The following PRM2 variants were observed in gnomAD, a reference collection of about 807,000 sequenced individuals.
PRM2 encodes the protein protamine-2.
PRM2 carries 6 observed loss-of-function variants against 10.7 expected under a neutral mutation model. That is an observed-to-expected ratio of 0.56 (90% confidence interval 0.31 to 1.11). PRM2 has a LOEUF of 1.11. Ranked by LOEUF, PRM2 falls within the 50% of genes least tolerant of loss-of-function variation. The probability of loss-of-function intolerance (pLI) is 0.06; values close to 1 mark genes in which losing one functional copy is unlikely to be tolerated. For missense variants in PRM2, 194 were observed against 147.7 expected (o/e 1.31, Z -1.62); for synonymous variants, 64 against 54.8 (o/e 1.17, Z -0.74).
At chr16:11,275,967 G>A (rs1470934868) in intron 1 of PRM2, 30 bp from the exon 2 acceptor site, 1 of 1,613,976 alleles carries the variant, frequency 6.2e-7, no homozygotes, top group South Asian at 1.1e-5. Flanking sequence ...TGGTTGAGGG[G>A]GTCACCTAGG....
In PRM2 at chr16:11,276,462, G is replaced by A. The variant is rs2069880888; in HGVS notation, c.-92C>T. 6.4e-7 allele frequency: 1 copy of A among 1,550,784 alleles called. No individual in the cohort carries two copies. The highest frequency in any genetic ancestry group is 1.4e-5 in the African/African-American group (1 of 73,518). On this transcript the variant is annotated 5_prime_UTR_variant, in exon 1 of 2. Transcript: ENST00000241808. The stretch of plus-strand genomic sequence containing the variant: ...GGAGGCCTGCCCACCTGCCCTTGGT[G>A]TTACTGTTGGTCTGGTCTGCAAGGC...
Position 11,276,346 on chromosome 16 carries a change from G to C in PRM2, c.25C>G (p.Leu9Val). MVRYRVRS[L>V]SERSHEVYRQ... ...TACACCTCGTGCGAGCGTTCGCTCA[G>C]GCTCCTCACGCGGTATCGGACCATG... The change falls in exon 1 of 2, where the codon CTG (leucine) becomes GTG (valine). Residue 9 changes from leucine (L) to valine (V), a missense_variant. Transcript: ENST00000241808. 1 of 1,614,244 alleles carries C rather than the reference G, an allele frequency of 6.2e-7. No homozygotes were observed. Among genetic ancestry groups the C allele is most frequent in the South Asian group, 1.1e-5 (1 of 91,092 alleles).
rs2069843929 is a variant in PRM2, at chr16:11,275,708, G to A, written c.*192C>T. Reference sequence around the variant, plus strand: ...CTCAGATCTTGTGGGCTTCTCGGCGGCAACTCAGGGCTTGAGCATTTGATG... The same window carrying A: ...CTCAGATCTTGTGGGCTTCTCGGCGACAACTCAGGGCTTGAGCATTTGATG... On this transcript the variant is annotated 3_prime_UTR_variant, in exon 2 of 2. Coordinates refer to ENST00000241808, the MANE Select transcript of PRM2 (RefSeq NM_002762.4). The A allele has an allele frequency of 1.5e-6, 2 of 1,378,346 alleles. No homozygotes were observed. Among genetic ancestry groups the A allele is most frequent in the Admixed American group, 4.3e-5 (2 of 46,278 alleles). 85.4% of individuals were successfully genotyped at this position (1,378,346 alleles called of 1,614,324 possible).
At position 11,275,693 on chromosome 16, in the gene PRM2, G is replaced by T. The variant is rs1279385395; in HGVS notation, c.*207C>A. The T allele has an allele frequency of 6.5e-6, 8 of 1,239,704 alleles. No individual in the cohort carries two copies. The highest frequency in any genetic ancestry group is 7.9e-6 in the Non-Finnish European group (7 of 883,438). The allele number at this position is 1,239,704 out of a possible 1,614,324, so 76.8% of individuals were successfully genotyped here. A position where few individuals can be genotyped will look rare whatever the true frequency, so the allele number is the denominator to read the frequency against. On this transcript the variant is annotated 3_prime_UTR_variant, in exon 2 of 2. Transcript: ENST00000241808. ...CTTTTGCTCGTTTCACTCAGATCTT[G>T]TGGGCTTCTCGGCGGCAACTCAGGG...
Position 11,276,474 on chromosome 16 carries a change from C to G in PRM2, c.-104G>C, listed in dbSNP as rs549835830. 14 of 1,521,428 alleles carry G rather than the reference C, an allele frequency of 9.2e-6. No homozygotes were observed. The highest frequency in any genetic ancestry group is 7.0e-5 in the South Asian group (6 of 86,004). 94.2% of individuals were successfully genotyped at this position (1,521,428 alleles called of 1,614,324 possible). On this transcript the variant is annotated 5_prime_UTR_variant, in exon 1 of 2. Transcript: ENST00000241808. Reference sequence around the variant, plus strand: ...ACCTGCCCTTGGTGTTACTGTTGGTCTGGTCTGCAAGGCTCCCCGGGAGCT... The same window carrying G: ...ACCTGCCCTTGGTGTTACTGTTGGTGTGGTCTGCAAGGCTCCCCGGGAGCT...
At chr16:11,276,070 A>C (rs377423504) in intron 1 of PRM2, 30 bp downstream of exon 1, 1 of 1,611,226 alleles carries the variant, frequency 6.2e-7, no homozygotes, top group East Asian at 2.2e-5. Flanking sequence ...GGTCAGGGAC[A>C]TGCAGGGCAA....
Position 11,275,750 on chromosome 16 carries a change from G to T in PRM2, c.*150C>A. ...CATTTGATGTAGGGGAGTTGCTATG[G>T]CCTCACTCGGTGTTTCTTGGGCAGG... On this transcript the variant is annotated 3_prime_UTR_variant, in exon 2 of 2. Transcript: ENST00000241808. 2.0e-6 allele frequency: 3 copies of T among 1,530,420 alleles called. No homozygotes were observed. Among genetic ancestry groups the T allele is most frequent in the Non-Finnish European group, 8.9e-7 (1 of 1,126,858 alleles). 94.8% of individuals were successfully genotyped at this position (1,530,420 alleles called of 1,614,324 possible). A position where few individuals can be genotyped will look rare whatever the true frequency, so the allele number is the denominator to read the frequency against.
chr16:11,275,968 G>A (rs202173084), intron 1 of PRM2, 31 bp from the exon 2 acceptor site: 2 of 1,613,524 alleles, frequency 1.2e-6, no homozygotes, highest in African/African-American at 2.7e-5. Flanking sequence ...GGTTGAGGGG[G>A]TCACCTAGGG....
Position 11,275,670 on chromosome 16 carries a change from T to G in PRM2, c.*230A>C. On this transcript the variant is annotated 3_prime_UTR_variant, in exon 2 of 2. Transcript: ENST00000241808. The stretch of plus-strand genomic sequence containing the variant: ...GTCAAGCTTTATTGGGCAGGTGACT[T>G]TTGCTCGTTTCACTCAGATCTTGTG... 9.8e-7 allele frequency: 1 copy of G among 1,022,708 alleles called. No individual in the cohort carries two copies. Among genetic ancestry groups the G allele is most frequent in the Non-Finnish European group, 1.4e-6 (1 of 703,452 alleles). The allele number at this position is 1,022,708 out of a possible 1,614,324, so 63.4% of individuals were successfully genotyped here. A position where few individuals can be genotyped will look rare whatever the true frequency, so the allele number is the denominator to read the frequency against.
In PRM2 at chr16:11,276,052, C is replaced by T. The variant is rs777300138; in HGVS notation, c.271+48G>A. On this transcript the variant is annotated intron_variant, in intron 1 of 1. Coordinates refer to ENST00000241808, the MANE Select transcript of PRM2 (RefSeq NM_002762.4). ...GGTGGGTCCCCGCCTCCCTCCTGTG[C>T]CTGGGGTGGTCAGGGACATGCAGGG... 9.3e-6 allele frequency: 15 copies of T among 1,610,704 alleles called. No homozygotes were observed. The South Asian group carries it at 1.6e-4, about 18-fold the overall frequency.
intron 1 of PRM2, 74 bp downstream of exon 1, chr16:11,276,026 G>A (rs1291363277): frequency 6.2e-7 from 1 of 1,609,964 alleles, no homozygotes; most frequent in Non-Finnish European, 8.5e-7. Flanking sequence ...TTGTCAGGTG[G>A]GGTGGGTCCC....
rs201933708 is a variant in PRM2 at position 11,276,083 on chromosome 16, C to G, written c.271+17G>C. The G allele has an allele frequency of 1.2e-3, 2,006 of 1,608,986 alleles. 25 individuals are homozygous for G. The African/African-American group carries it at 0.016, about 13-fold the overall frequency. On this transcript the variant is annotated intron_variant, in intron 1 of 1. Transcript: ENST00000241808. The stretch of plus-strand genomic sequence containing the variant: ...GTGGTCAGGGACATGCAGGGCAAGG[C>G]GGGGGCGCAGGCAGACCTCTGCGAT...
Position 11,275,779 on chromosome 16 carries a change from C to G in PRM2, c.*121G>C, listed in dbSNP as rs1341657821. On this transcript the variant is annotated 3_prime_UTR_variant, in exon 2 of 2. Coordinates refer to ENST00000241808, the MANE Select transcript of PRM2 (RefSeq NM_002762.4). ...CACTCGGTGTTTCTTGGGCAGGTGACTTTCTCTTAACTTCCAGCTGGGGGC... is the reference window on the plus strand; with the variant it reads ...CACTCGGTGTTTCTTGGGCAGGTGAGTTTCTCTTAACTTCCAGCTGGGGGC... 2.5e-6 allele frequency: 4 copies of G among 1,575,480 alleles called. No homozygotes were observed. In the African/African-American group the frequency reaches 5.4e-5, roughly 21 times the overall value.
Position 11,275,689 on chromosome 16 carries a change from T to A in PRM2, c.*211A>T. ...GTGACTTTTGCTCGTTTCACTCAGA[T>A]CTTGTGGGCTTCTCGGCGGCAACTC... is the stretch of plus-strand genomic sequence containing the variant. On this transcript the variant is annotated 3_prime_UTR_variant, in exon 2 of 2. Transcript: ENST00000241808. 8.2e-7 allele frequency: 1 copy of A among 1,213,404 alleles called. No homozygotes were observed. The highest frequency in any genetic ancestry group is 1.5e-5 in the African/African-American group (1 of 65,316). 75.2% of individuals were successfully genotyped at this position (1,213,404 alleles called of 1,614,324 possible). A position where few individuals can be genotyped will look rare whatever the true frequency, so the allele number is the denominator to read the frequency against.
chr16:11,276,175 T>G lies in PRM2; in HGVS notation c.196A>C (p.Ile66Leu). Residue 66 changes from isoleucine to leucine, a missense_variant, in exon 1 of 2, where the codon ATC becomes CTC. By Grantham distance (5) the Ile-to-Leu change is conservative (BLOSUM62 2). Transcript: ENST00000241808. ...RHCSRRRLHR[I>L]HRRQHRSCRR... ...CAGGAGCGATGCTGCCGCCTGTGGA[T>G]CCGGTGCAGCCTCCTTCGAGAGCAG... The G allele has an allele frequency of 6.2e-7, 1 of 1,614,068 alleles. No individual in the cohort carries two copies. The highest frequency in any genetic ancestry group is 8.5e-7 in the Non-Finnish European group (1 of 1,180,036).
Position 11,276,443 on chromosome 16 carries a change from CTGCCCACCTGCCCT to C in PRM2, c.-87_-74del. 6.3e-7 allele frequency: 1 copy of C among 1,584,360 alleles called. No individual in the cohort carries two copies. Among genetic ancestry groups the C allele is most frequent in the Non-Finnish European group, 8.6e-7 (1 of 1,162,350 alleles). On this transcript the variant is annotated 5_prime_UTR_variant, in exon 1 of 2. Coordinates refer to ENST00000241808, the MANE Select transcript of PRM2 (RefSeq NM_002762.4). The stretch of plus-strand genomic sequence containing the variant: ...TGGAGTAGGGGAGGAGGGCGGAGGC[CTGCCCACCTGCCCT>C]TGGTGTTACTGTTGGTCTGGTCTGC...
chr16:11,276,166 G>C lies in PRM2; in HGVS notation c.205C>G (p.Arg69Gly). ...CGCCTTCTGCAGGAGCGATGCTGCC[G>C]CCTGTGGATCCGGTGCAGCCTCCTT... ...SRRRLHRIHRRQHRSCRRRKR... is the reference protein window; with the variant it reads ...SRRRLHRIHRGQHRSCRRRKR... The change falls in exon 1 of 2, where the codon CGG (arginine) becomes GGG (glycine). Residue 69 changes from arginine to glycine, a missense_variant. Transcript: ENST00000241808. 1 of 1,613,952 alleles carries C rather than the reference G, an allele frequency of 6.2e-7. No homozygotes were observed. Among genetic ancestry groups the C allele is most frequent in the African/African-American group, 1.3e-5 (1 of 75,062 alleles).
Position 11,275,658 on chromosome 16 carries a change from G to T in PRM2, c.*242C>A. 3.4e-6 allele frequency: 3 copies of T among 891,444 alleles called. No homozygotes were observed. Among genetic ancestry groups the T allele is most frequent in the Non-Finnish European group, 3.4e-6 (2 of 589,250 alleles). The allele number at this position is 891,444 out of a possible 1,614,324, so 55.2% of individuals were successfully genotyped here. ...AGCGAGTGTCTTGTCAAGCTTTATTGGGCAGGTGACTTTTGCTCGTTTCAC... is the reference window on the plus strand; with the variant it reads ...AGCGAGTGTCTTGTCAAGCTTTATTTGGCAGGTGACTTTTGCTCGTTTCAC... On this transcript the variant is annotated 3_prime_UTR_variant, in exon 2 of 2. Coordinates refer to ENST00000241808, the MANE Select transcript of PRM2 (RefSeq NM_002762.4).
chr16:11,276,152 G>A lies in PRM2; in HGVS notation c.219C>T (p.Ser73=), dbSNP rs780978302. Residue 73 remains serine (S), a synonymous_variant, in exon 1 of 2, where the codon TCC becomes TCT. Transcript: ENST00000241808. ...LHRIHRRQHR[S]CRRRKRRSCR... ...AGGAGCGTCTTTTGCGCCTTCTGCA[G>A]GAGCGATGCTGCCGCCTGTGGATCC... 1.4e-5 allele frequency: 23 copies of A among 1,613,742 alleles called. No individual in the cohort carries two copies. Among genetic ancestry groups the A allele is most frequent in the South Asian group, 4.4e-5 (4 of 91,090 alleles).
Sources: allele counts gnomAD v4.1 joint callset, GRCh38; gene constraint gnomAD v4.1.1; transcripts MANE v1.5; gene names NCBI Gene and HGNC (gene_info 2026-07-23, HGNC 2026-07-21).